The following SORL1 variants were observed in gnomAD, a reference collection of about 807,000 sequenced individuals.
SORL1 encodes the protein sortilin-related receptor.
In SORL1, 127 loss-of-function variants were observed where a neutral mutation model predicts 273.7. That is an observed-to-expected ratio of 0.46 (90% CI 0.40 to 0.54). The LOEUF (loss-of-function observed/expected upper bound fraction) is 0.54, where lower values mean the gene tolerates loss of function less well. Ranked by LOEUF, SORL1 falls within the 20% of genes least tolerant of loss-of-function variation. The pLI, the probability that SORL1 is intolerant of heterozygous loss-of-function variation, is 0.00. For missense variants in SORL1, 2,494 were observed against 2,846.1 expected (o/e 0.88, Z 2.81); for synonymous variants, 1,031 against 1,067.4 (o/e 0.97, Z 0.66).
chr11:121,550,518 C>T lies in SORL1; in HGVS notation c.2181-67C>T. 7.2e-7 allele frequency: 1 copy of T among 1,383,134 alleles called. No homozygotes were observed. The highest frequency in any genetic ancestry group is 1.0e-6 in the Non-Finnish European group (1 of 971,954). 85.7% of individuals were successfully genotyped at this position (1,383,134 alleles called of 1,614,324 possible). A position where few individuals can be genotyped will look rare whatever the true frequency, so the allele number is the denominator to read the frequency against. On this transcript the variant is annotated intron_variant, in intron 15 of 47. Transcript: ENST00000260197. This position sits in a 1 kb window ranked among gnomAD's most constrained non-coding sequence, Gnocchi z 5.3. The stretch of plus-strand genomic sequence containing the variant: ...TGGCCGTGGGTAGTAAGTGTATTCC[C>T]AGCTGGGATGCCTTTGTGGCTATTC...
rs77049486 is a variant in SORL1, at chr11:121,604,334, G to A, written c.4651+10G>A. The A allele has an allele frequency of 2.4e-3, 3,841 of 1,612,600 alleles. 75 individuals carry two copies. In the African/African-American group the frequency reaches 0.044, roughly 18 times the overall value. On this transcript the variant is annotated intron_variant, in intron 33 of 47. Transcript: ENST00000260197. ...GAAAAGGCCTGCAGTGGTGAGTGCCGGTCCACGGGCTGGGCTGGGCTGGGC... is the reference window on the plus strand; with the variant it reads ...GAAAAGGCCTGCAGTGGTGAGTGCCAGTCCACGGGCTGGGCTGGGCTGGGC...
At chr11:121,545,840 A>C (rs994571575) in intron 14 of SORL1, among the ~76,000 whole-genome samples, 1 of 152,190 alleles carries the variant, frequency 6.6e-6, no homozygotes, top group Non-Finnish European at 1.5e-5. Flanking sequence ...TGTTTGCATC[A>C]TTTATTATTC....
chr11:121,608,665 C>G (rs1010541676), intron 38 of SORL1: 2 of 159,868 alleles, frequency 1.3e-5, no homozygotes, highest in African/African-American at 4.8e-5. Flanking sequence ...GCAGGACACT[C>G]TAGAGTGTTC....
At chr11:121,530,833 TC>T (rs1862193257) in intron 11 of SORL1, among the ~76,000 whole-genome samples, 1 of 152,220 alleles carries the variant, frequency 6.6e-6, no homozygotes, top group African/African-American at 2.4e-5. Flanking sequence ...AAATCCTTTT[TC>T]CCCTGTATGT....
At chr11:121,496,378 A>G (rs1204564043) in intron 5 of SORL1, among the ~76,000 whole-genome samples, 2 of 152,190 alleles carry the variant, frequency 1.3e-5, no homozygotes, top group Non-Finnish European at 2.9e-5. Flanking sequence ...GATCCATGAC[A>G]TTGGTAGGGG....
chr11:121,487,879 G>A (rs527606390), intron 3 of SORL1, among the ~76,000 whole-genome samples, 153 bp from the exon 4 acceptor site: 2 of 152,284 alleles, frequency 1.3e-5, no homozygotes, highest in South Asian at 4.1e-4. Context: ...TGGGGAGAAA[G>A]CCATTGTGGA....
chr11:121,500,053 CTTGTTTAATTTTTA>C (rs1861689320), intron 6 of SORL1, among the ~76,000 whole-genome samples: 1 of 152,146 alleles, frequency 6.6e-6, no homozygotes, highest in African/African-American at 2.4e-5. Flanking sequence ...CTTAAGTTGC[CTTGTTTAATTTTTA>C]TTCCTTGCTT....
chr11:121,590,481 TCTGAC>T, intron 30 of SORL1: 1 of 498,694 alleles, frequency 2.0e-6, no homozygotes. Context: ...ATGTAGAATC[TCTGAC>T]CTCACCCCAG....
At position 121,538,693 on chromosome 11, in the gene SORL1, T is replaced by G. The variant is rs1862303721; in HGVS notation, c.1686-4855T>G. On this transcript the variant is annotated intron_variant, in intron 12 of 47. Transcript: ENST00000260197. ...TTGTATTTTTGGCATTTATTTATTT[T>G]TTTGAGACAGAGTCTCACTCTGTCG... 4.6e-5 allele frequency among the ~76,000 whole-genome samples: 7 copies of G among 152,274 alleles called. No individual in the cohort carries two copies. In the South Asian group the frequency reaches 1.5e-3, roughly 32 times the overall value.
intron 20 of SORL1, 134 bp from the exon 21 acceptor site, chr11:121,559,382 TAAG>T: frequency 1.1e-6 from 1 of 886,908 alleles, no homozygotes; most frequent in Non-Finnish European, 1.7e-6. Flanking sequence ...CCTTTGCATT[TAAG>T]TAGAATCTTG....
chr11:121,552,543 A>G (rs1862521629), intron 16 of SORL1, among the ~76,000 whole-genome samples: 1 of 152,230 alleles, frequency 6.6e-6, no homozygotes, highest in African/African-American at 2.4e-5. Flanking sequence ...TGTAGCTTTC[A>G]TGTCCCTATA....
At chr11:121,470,938 C>T (rs1473617536) in intron 2 of SORL1, among the ~76,000 whole-genome samples, 1 of 152,196 alleles carries the variant, frequency 6.6e-6, no homozygotes, top group East Asian at 1.9e-4. Context: ...ATCCGCCTGC[C>T]TCGGCCTCCC....
chr11:121,588,536 C>G (rs1863157139), intron 28 of SORL1, among the ~76,000 whole-genome samples: 1 of 152,172 alleles, frequency 6.6e-6, no homozygotes, highest in Non-Finnish European at 1.5e-5. Context: ...GATCCTGTCA[C>G]AACTTGCCCC....
intron 16 of SORL1, among the ~76,000 whole-genome samples, chr11:121,553,530 C>T (rs1591324062): frequency 6.6e-6 from 1 of 152,290 alleles, no homozygotes; most frequent in South Asian, 2.1e-4. Context: ...CTAATGGTCT[C>T]TCGTCAACAA....
chr11:121,524,380 C>T (rs1425535385), intron 11 of SORL1, among the ~76,000 whole-genome samples: 1 of 152,204 alleles, frequency 6.6e-6, no homozygotes, highest in Non-Finnish European at 1.5e-5. Context: ...TGGTGATTAC[C>T]GGGGCAGCTG....
In SORL1 at chr11:121,627,788, C is replaced by T. The variant is rs373083800; in HGVS notation, c.6577+21C>T. 2.1e-5 allele frequency: 33 copies of T among 1,580,060 alleles called. 1 individual carries two copies. The Middle Eastern group carries it at 7.8e-4, about 37-fold the overall frequency. On this transcript the variant is annotated intron_variant, in intron 47 of 47. Transcript: ENST00000260197. This position sits in a 1 kb window ranked among gnomAD's most constrained non-coding sequence, Gnocchi z 4.9. ...CCTGGGTAAGTGGGGCAGGGAGAGTCGGTTCTTCCTCCCAGGGCTGACCCC... is the reference window on the plus strand; with the variant it reads ...CCTGGGTAAGTGGGGCAGGGAGAGTTGGTTCTTCCTCCCAGGGCTGACCCC...
intron 11 of SORL1, 129 bp downstream of exon 11, chr11:121,523,118 T>TG: frequency 1.5e-6 from 1 of 672,476 alleles, no homozygotes; most frequent in South Asian, 1.7e-5. Context: ...GATATGACTA[T>TG]AAAGTAAAGA....
chr11:121,475,315 G>A (rs562323572), intron 2 of SORL1, among the ~76,000 whole-genome samples: 29 of 151,922 alleles, frequency 1.9e-4, no homozygotes, highest in Non-Finnish European at 2.9e-4. Flanking sequence ...GGATAAAAAT[G>A]TCATGTTGGA....
intron 41 of SORL1, 90 bp from the exon 42 acceptor site, chr11:121,618,684 G>T: frequency 6.8e-7 from 1 of 1,481,164 alleles, no homozygotes; most frequent in Non-Finnish European, 9.3e-7. Flanking sequence ...CTCTTTTGAA[G>T]CAGTTCCAGG....
Sources: gnomAD v4.1 joint callset for allele counts (sites outside exome capture counted in the v4.1 genomes callset) on GRCh38, gnomAD v4.1.1 for gene constraint, Gnocchi (gnomAD v3.1) non-coding constraint, MANE v1.5 for transcripts, NCBI Gene and HGNC (gene_info 2026-07-23, HGNC 2026-07-21) for gene names.